The following CDH26 variants were observed in gnomAD, a reference collection of about 807,000 sequenced individuals.
CDH26 encodes the protein cadherin 26.
A neutral mutation model predicts 90.3 loss-of-function variants in CDH26; 83 were observed. The observed-to-expected ratio is 0.92, with a 90% CI of 0.77 to 1.10. The LOEUF (loss-of-function observed/expected upper bound fraction) is 1.10, where lower values mean the gene tolerates loss of function less well. CDH26 is among the 50% of genes least tolerant of loss of function. The probability of loss-of-function intolerance (pLI) is 0.00; values close to 1 mark genes in which losing one functional copy is unlikely to be tolerated. For synonymous variants in CDH26, 397 were observed against 396.3 expected, an observed-to-expected ratio of 1.00 and a Z score of -0.02; for missense variants, 1,013 against 1,037.6, an observed-to-expected ratio of 0.98 and a Z score of 0.33.
Position 60,030,446 on chromosome 20 carries a change from A to G in CDH26, c.948-785A>G, listed in dbSNP as rs1323836970. Among the ~76,000 whole-genome samples the G allele has an allele frequency of 6.6e-6, 1 of 151,768 alleles. No individual in the cohort carries two copies. The highest frequency in any genetic ancestry group is 1.5e-5 in the Non-Finnish European group (1 of 67,962). ...TTTCAGTATCCCTTCACCTTCTTCTAGGAAAACATCTGGACTTCCTTTGGG... is the reference window on the plus strand; with the variant it reads ...TTTCAGTATCCCTTCACCTTCTTCTGGGAAAACATCTGGACTTCCTTTGGG... On this transcript the variant is annotated intron_variant, in intron 7 of 8. Coordinates refer to the CDH26 transcript ENST00000370991. The surrounding 1 kb of genome is among the most constrained non-coding windows in gnomAD (Gnocchi z 4.0).
chr20:60,023,494 T>C (rs899354642), intron 7 of CDH26, among the ~76,000 whole-genome samples: 5 of 152,110 alleles, frequency 3.3e-5, no homozygotes, highest in African/African-American at 4.8e-5. Flanking sequence ...CCACTGCCCA[T>C]TGTTTTTTGA....
At chr20:59,999,404 A>G (rs767665837) in intron 13 of CDH26, among the ~76,000 whole-genome samples, 182 bp from the exon 14 acceptor site, 1 of 152,186 alleles carries the variant, frequency 6.6e-6, no homozygotes, top group Non-Finnish European at 1.5e-5. Context: ...CAGAAATAAC[A>G]TTCTTTTCCC....
intron 7 of CDH26, 112 bp from the exon 8 acceptor site, chr20:59,987,336 ATTCTT>A: frequency 1.2e-6 from 1 of 862,378 alleles, no homozygotes; most frequent in South Asian, 1.8e-5. Context: ...GAGGAGCAAC[ATTCTT>A]TCTCCTTCTC....
At position 60,012,683 on chromosome 20, in the gene CDH26, G is replaced by A; in HGVS notation, c.2452G>A (p.Ala818Thr). Residue 818 changes from alanine to threonine, a missense_variant, in exon 18 of 18, where the codon GCG (alanine) becomes ACG (threonine). Physicochemically the swap from Ala to Thr is moderately conservative, Grantham distance 58 (BLOSUM62 0). Coordinates refer to ENST00000348616, the MANE Select transcript of CDH26 (RefSeq NM_177980.4). ...PDLLDSLGSK[A>T]TPFEEIYSES... ...TTTGCTGGACTCTTTGGGTTCAAAAGCGACTCCGTTTGAGGAAATATATTC... is the reference window on the plus strand; with the variant it reads ...TTTGCTGGACTCTTTGGGTTCAAAAACGACTCCGTTTGAGGAAATATATTC... 6.2e-7 allele frequency: 1 copy of A among 1,614,014 alleles called. No homozygotes were observed. The highest frequency in any genetic ancestry group is 8.5e-7 in the Non-Finnish European group (1 of 1,180,006).
At chr20:60,018,932 T>C (rs568501771), downstream of CDH26, among the ~76,000 whole-genome samples, 2 of 152,092 alleles carry the variant, frequency 1.3e-5, no homozygotes, top group Non-Finnish European at 2.9e-5. Context: ...AACTTTTGCT[T>C]GTCTGTGAAA....
At chr20:59,967,880 C>T (rs192464491) in intron 1 of CDH26, among the ~76,000 whole-genome samples, 1,377 of 74,392 alleles carry the variant, frequency 0.019, 16 homozygotes, top group African/African-American at 0.06. Context: ...TTTCTTTCTT[C>T]CTTCCTTCCT....
chr20:59,968,049 C>CTCTCTG (rs1555894168), intron 1 of CDH26, among the ~76,000 whole-genome samples: 1 of 137,082 alleles, frequency 7.3e-6, no homozygotes, highest in Non-Finnish European at 1.5e-5. Flanking sequence ...CTCTCTCTCT[C>CTCTCTG]TCTGTCTCTC....
chr20:59,989,206 T>C (rs1442849623), intron 9 of CDH26, 43 bp downstream of exon 9: 2 of 1,607,578 alleles, frequency 1.2e-6, no homozygotes, highest in Non-Finnish European at 1.7e-6. Flanking sequence ...TAAGTGGAAA[T>C]AGCCACATAA....
chr20:60,033,716 G>A (rs1377575577), exon 9 of CDH26: 3 of 1,272,738 alleles, frequency 2.4e-6, no homozygotes, highest in South Asian at 1.3e-5. Flanking sequence ...TGCTGTTGGC[G>A]GTGAGGGCCT....
At chr20:60,025,110 C>T (rs2061986196) in intron 7 of CDH26, among the ~76,000 whole-genome samples, 1 of 152,204 alleles carries the variant, frequency 6.6e-6, no homozygotes, top group Non-Finnish European at 1.5e-5. Context: ...CCTGGATCCC[C>T]AAACTTTTAC....
rs1336034477 is a variant in CDH26, at chr20:59,968,973, AT to A, written c.77del (p.Ile26ThrfsTer63). 1 of 1,557,990 alleles carries A rather than the reference AT, an allele frequency of 6.4e-7. No homozygotes were observed. Among genetic ancestry groups the A allele is most frequent in the East Asian group, 2.2e-5 (1 of 44,558 alleles). On this transcript the variant is annotated frameshift_variant, in exon 2 of 18. Transcript: ENST00000348616. LOFTEE classifies it high-confidence loss of function. Reference sequence around the variant, plus strand: ...TATTATTTTTATTTTTAAGGTCAGTATCATTGACAGTGTTCAACAGGAAACA... The same window carrying A: ...TATTATTTTTATTTTTAAGGTCAGTACATTGACAGTGTTCAACAGGAAACA... ...VLLLWLLQVS[I>X]IDSVQQETDD...
At chr20:60,021,859 C>CACACACACACACACACACACACACACAT (rs2061955217) in intron 7 of CDH26, among the ~76,000 whole-genome samples, 3 of 68,228 alleles carry the variant, frequency 4.4e-5, no homozygotes, top group Non-Finnish European at 6.9e-5. Context: ...TACACACACA[C>CACACACACACACACACACACACACACAT]ACACACACAC....
At chr20:60,008,746 C>T (rs1305280184) in intron 17 of CDH26, among the ~76,000 whole-genome samples, 2 of 152,216 alleles carry the variant, frequency 1.3e-5, no homozygotes, top group Non-Finnish European at 2.9e-5. Context: ...GGTGGGAGCT[C>T]CAGCTCTGTG....
At chr20:60,024,677 G>C (rs2061982582) in intron 7 of CDH26, among the ~76,000 whole-genome samples, 1 of 152,190 alleles carries the variant, frequency 6.6e-6, no homozygotes, top group East Asian at 1.9e-4. Context: ...CTGTGTATGG[G>C]AAGAAAGGCT....
chr20:60,026,322 C>A (rs938526090), intron 7 of CDH26, among the ~76,000 whole-genome samples: 2 of 151,416 alleles, frequency 1.3e-5, no homozygotes, highest in African/African-American at 4.9e-5. Flanking sequence ...ATTGATCTTG[C>A]ATCTTGTGTG....
At chr20:60,018,702 C>CTTTTTTTTTTTTTTTTTTTTTTTTT (rs55994712), downstream of CDH26, among the ~76,000 whole-genome samples, 3 of 17,814 alleles carry the variant, frequency 1.7e-4, no homozygotes, top group Non-Finnish European at 2.9e-4. Context: ...CTCTTACTGC[C>CTTTTTTTTTTTTTTTTTTTTTTTTT]TTTTTTTTTT....
intron 14 of CDH26, 77 bp from the exon 15 acceptor site, chr20:60,001,259 TGGTGAGA>T: frequency 1.3e-6 from 2 of 1,511,290 alleles, no homozygotes; most frequent in Non-Finnish European, 1.8e-6. Flanking sequence ...CAAGGGGAAG[TGGTGAGA>T]GGTCACGCAT....
chr20:59,961,219 A>G (rs2061068670), intron 1 of CDH26, among the ~76,000 whole-genome samples: 1 of 152,148 alleles, frequency 6.6e-6, no homozygotes, highest in South Asian at 2.1e-4. Flanking sequence ...TCTGATCAGG[A>G]AACAGACCTG....
Position 59,983,208 on chromosome 20 carries a change from G to C in CDH26, c.541+138G>C, listed in dbSNP as rs16983344. On this transcript the variant is annotated intron_variant, in intron 5 of 17. Coordinates refer to ENST00000348616, the MANE Select transcript of CDH26 (RefSeq NM_177980.4). ...CACATCTCAAAGATCGCAGGCCTTGGATCTGAGCGAAATGCTTTGAGGTCC... is the reference window on the plus strand; with the variant it reads ...CACATCTCAAAGATCGCAGGCCTTGCATCTGAGCGAAATGCTTTGAGGTCC... 5.6e-3 allele frequency: 5,735 copies of C among 1,015,188 alleles called. 202 individuals are homozygous for C. In the African/African-American group the frequency reaches 0.084, roughly 15 times the overall value. 62.9% of individuals were successfully genotyped at this position (1,015,188 alleles called of 1,614,324 possible).
Sources: allele counts gnomAD v4.1 joint callset (sites outside exome capture counted in the v4.1 genomes callset), GRCh38; gene constraint gnomAD v4.1.1; non-coding constraint Gnocchi (gnomAD v3.1); transcripts MANE v1.5; gene names NCBI Gene and HGNC (gene_info 2026-07-23, HGNC 2026-07-21).